Variants in TOP6BL observed in about 807,000 individuals in gnomAD.
TOP6BL encodes the protein type 2 DNA topoisomerase 6 subunit B-like.
chr11:66,764,880 TC>T, the TOP6BL span, among the ~76,000 whole-genome samples: 2 of 151,122 alleles, frequency 1.3e-5, no homozygotes, highest in African/African-American at 4.9e-5. Flanking sequence ...AGGCAGGAGA[TC>T]CATTTGAGCC....
the TOP6BL span, among the ~76,000 whole-genome samples, chr11:66,791,387 T>C: frequency 6.6e-6 from 1 of 152,228 alleles, no homozygotes; most frequent in Non-Finnish European, 1.5e-5. Flanking sequence ...AATATTTATT[T>C]TTGTAATAAT....
the TOP6BL span, among the ~76,000 whole-genome samples, chr11:66,808,601 T>C: frequency 1.3e-5 from 2 of 151,500 alleles, no homozygotes; most frequent in Non-Finnish European, 2.9e-5. Flanking sequence ...ACTAGAAAAC[T>C]GAAACTGTAA....
chr11:66,817,500 G>A, the TOP6BL span, among the ~76,000 whole-genome samples: 5 of 152,062 alleles, frequency 3.3e-5, no homozygotes, highest in Non-Finnish European at 7.4e-5. Flanking sequence ...GTGCAATAGC[G>A]TGATCTTGAC....
the TOP6BL span, among the ~76,000 whole-genome samples, chr11:66,808,546 A>ATGCT: frequency 6.6e-6 from 1 of 152,164 alleles, no homozygotes; most frequent in African/African-American, 2.4e-5. Flanking sequence ...ATGAAAAATT[A>ATGCT]TGCTTACTAT....
At chr11:66,745,313 GT>G in the TOP6BL span, among the ~76,000 whole-genome samples, 358 of 144,362 alleles carry the variant, frequency 2.5e-3, 30 homozygotes, top group Admixed American at 3.4e-3. Flanking sequence ...GCGGGGCGGG[GT>G]GGGGGGAGTC....
At chr11:66,746,759 C>G in the TOP6BL span, among the ~76,000 whole-genome samples, 1 of 151,680 alleles carries the variant, frequency 6.6e-6, no homozygotes, top group East Asian at 1.9e-4. Context: ...GGCTGCACTT[C>G]CAGCTACCTG....
chr11:66,762,186 C>T, the TOP6BL span: 3 of 714,948 alleles, frequency 4.2e-6, no homozygotes, highest in African/African-American at 1.7e-5. Flanking sequence ...TTGTCTCCTT[C>T]GCACGCCACA....
the TOP6BL span, chr11:66,843,359 G>GCCC: frequency 6.3e-6 from 9 of 1,428,846 alleles, no homozygotes; most frequent in South Asian, 1.4e-5. Context: ...GTCGGGCCCG[G>GCCC]GCGGGGCGGG....
chr11:66,792,704 A>G, the TOP6BL span, among the ~76,000 whole-genome samples: 1 of 152,232 alleles, frequency 6.6e-6, no homozygotes, highest in African/African-American at 2.4e-5. Flanking sequence ...TTGCATAGAA[A>G]CTGCTTGACA....
chr11:66,757,058 C>T, the TOP6BL span, among the ~76,000 whole-genome samples: 22 of 94,292 alleles, frequency 2.3e-4, no homozygotes, highest in Non-Finnish European at 4.3e-4. Context: ...GGGGTGGGGG[C>T]GGGTGCAGGC....
the TOP6BL span, chr11:66,843,105 C>T: frequency 6.3e-7 from 1 of 1,596,450 alleles, no homozygotes; most frequent in African/African-American, 1.3e-5. Flanking sequence ...AAGGGCTCAG[C>T]AGGAGGTGCA....
chr11:66,841,110 A>ATTTT, the TOP6BL span, among the ~76,000 whole-genome samples: 39 of 84,630 alleles, frequency 4.6e-4, 2 homozygotes, highest in Non-Finnish European at 5.1e-4. Context: ...GAGGCCTCTC[A>ATTTT]TTTTTTTTTT....
At chr11:66,783,110 T>C in the TOP6BL span, among the ~76,000 whole-genome samples, 2 of 152,236 alleles carry the variant, frequency 1.3e-5, no homozygotes, top group East Asian at 1.9e-4. Context: ...CTCTGGGAGG[T>C]TGAGGCAGGA....
At chr11:66,804,343 A>C in the TOP6BL span, 1 of 781,988 alleles carries the variant, frequency 1.3e-6, no homozygotes, top group Non-Finnish European at 1.9e-6. Context: ...CAAGCTTGAA[A>C]ATTTTGCCAG....
the TOP6BL span, among the ~76,000 whole-genome samples, chr11:66,832,134 G>A: frequency 6.8e-6 from 1 of 147,102 alleles, no homozygotes; most frequent in African/African-American, 2.5e-5. Context: ...GTCTCACTCT[G>A]TCGCCCAGGC....
chr11:66,772,798 T>C, the TOP6BL span, among the ~76,000 whole-genome samples: 1 of 152,224 alleles, frequency 6.6e-6, no homozygotes, highest in African/African-American at 2.4e-5. Flanking sequence ...GCATCTATGT[T>C]CACAAAGGAT....
chr11:66,744,871 C>T, the TOP6BL span: 4 of 1,303,676 alleles, frequency 3.1e-6, no homozygotes, highest in South Asian at 2.7e-5. Context: ...CTGGGCGTTG[C>T]CGCTGTTCCC....
the TOP6BL span, among the ~76,000 whole-genome samples, chr11:66,795,591 C>T: frequency 1.2e-4 from 19 of 152,198 alleles, no homozygotes; most frequent in East Asian, 3.5e-3. Context: ...CATAAGCTAA[C>T]ACGCCCAGCC....
At chr11:66,755,121 A>ATT in the TOP6BL span, among the ~76,000 whole-genome samples, 366 of 140,766 alleles carry the variant, frequency 2.6e-3, 2 homozygotes, top group African/African-American at 5.5e-3. Flanking sequence ...TAGTTTCTAG[A>ATT]TTTTTTTTTT....
Sources: allele counts gnomAD v4.1 joint callset (sites outside exome capture counted in the v4.1 genomes callset), GRCh38; gene constraint gnomAD v4.1.1; transcripts MANE v1.5; gene names NCBI Gene and HGNC (gene_info 2026-07-23, HGNC 2026-07-21).